Variants in RYR2 observed in about 807,000 individuals in gnomAD.
RYR2 encodes ryanodine receptor 2, also known as cardiac muscle ryanodine receptor-calcium release channel.
RYR2 carries 227 observed loss-of-function variants against 601.1 expected under a neutral mutation model. That is an observed-to-expected ratio of 0.38 (90% CI 0.34 to 0.42). The LOEUF is 0.42. Ranked by LOEUF, RYR2 falls within the 10% of genes least tolerant of loss-of-function variation. RYR2 has a pLI of 1.00. For missense variants in RYR2, 4,646 were observed against 6,156.5 expected (o/e 0.75, Z 8.21); for synonymous variants, 2,223 against 2,175.1 (o/e 1.02, Z -0.61).
At chr1:237,098,021 G>A (rs1667666145) in intron 1 of RYR2, among the ~76,000 whole-genome samples, 1 of 152,146 alleles carries the variant, frequency 6.6e-6, no homozygotes, top group Non-Finnish European at 1.5e-5. Flanking sequence ...CATTAAAATT[G>A]TTATGCATGA....
chr1:237,538,394 CAAAAAAAAAAAA>C (rs10551995), intron 25 of RYR2, among the ~76,000 whole-genome samples: 4 of 32,898 alleles, frequency 1.2e-4, no homozygotes, highest in Non-Finnish European at 1.5e-4. Flanking sequence ...GACTCTGTCT[CAAAAAAAAAAAA>C]AAAAAAAAAA....
chr1:237,187,318 C>G (rs905503335), intron 1 of RYR2, among the ~76,000 whole-genome samples: 3 of 151,300 alleles, frequency 2.0e-5, no homozygotes, highest in African/African-American at 7.3e-5. Context: ...TTACAGGTCT[C>G]TAGTAGAGAT....
intron 1 of RYR2, among the ~76,000 whole-genome samples, chr1:237,074,712 T>C (rs922611329): frequency 2.6e-5 from 4 of 152,208 alleles, no homozygotes; most frequent in Non-Finnish European, 5.9e-5. Context: ...TTAGTCCTTC[T>C]TCGCCCAGTG....
intron 13 of RYR2, among the ~76,000 whole-genome samples, chr1:237,443,791 A>G (rs916751314): frequency 2.6e-5 from 4 of 152,158 alleles, no homozygotes; most frequent in African/African-American, 9.7e-5. Flanking sequence ...CATGGGCTAT[A>G]CGGAAACAGG....
At chr1:237,172,955 G>A (rs1677584145) in intron 1 of RYR2, among the ~76,000 whole-genome samples, 1 of 152,122 alleles carries the variant, frequency 6.6e-6, no homozygotes, top group Non-Finnish European at 1.5e-5. Context: ...GACAGAACTT[G>A]TTTTTAGAGA....
intron 32 of RYR2, 51 bp downstream of exon 32, chr1:237,591,904 T>C: frequency 8.0e-7 from 1 of 1,242,518 alleles, no homozygotes; most frequent in Non-Finnish European, 1.2e-6. Flanking sequence ...CTCATTATGT[T>C]TTACATCTCC....
chr1:237,684,789 A>ATATAT (rs752960205), intron 62 of RYR2, among the ~76,000 whole-genome samples: 1 of 151,736 alleles, frequency 6.6e-6, no homozygotes, highest in African/African-American at 2.4e-5. Flanking sequence ...ATATATATAT[A>ATATAT]ATGCTTGAAG....
chr1:237,193,565 A>C (rs980054719), intron 1 of RYR2, among the ~76,000 whole-genome samples: 1 of 152,214 alleles, frequency 6.6e-6, no homozygotes, highest in African/African-American at 2.4e-5. Flanking sequence ...AGTTCATTGC[A>C]TGTCACAAAT....
intron 1 of RYR2, among the ~76,000 whole-genome samples, chr1:237,266,177 C>T (rs554276018): frequency 4.7e-4 from 71 of 152,244 alleles, no homozygotes; most frequent in African/African-American, 1.3e-3. Context: ...TGCACCTCAG[C>T]GGCTGAATAG....
intron 8 of RYR2, among the ~76,000 whole-genome samples, chr1:237,386,284 CT>C (rs1347929321): frequency 6.6e-6 from 1 of 152,178 alleles, no homozygotes; most frequent in African/African-American, 2.4e-5. Context: ...ACGACCTCTT[CT>C]TGATGGTGAC....
At chr1:237,396,395 A>C (rs2149899683) in intron 10 of RYR2, among the ~76,000 whole-genome samples, 1 of 152,348 alleles carries the variant, frequency 6.6e-6, no homozygotes. Flanking sequence ...TTTAAAACAA[A>C]AGCATTTTTG....
At chr1:237,189,086 A>G (rs908511226) in intron 1 of RYR2, among the ~76,000 whole-genome samples, 8 of 151,778 alleles carry the variant, frequency 5.3e-5, no homozygotes, top group African/African-American at 1.7e-4. Context: ...CCACCTTTCT[A>G]CTTTGTTTCT....
chr1:237,220,326 G>A (rs775215396), intron 1 of RYR2, among the ~76,000 whole-genome samples: 7 of 152,200 alleles, frequency 4.6e-5, no homozygotes, highest in Non-Finnish European at 8.8e-5. Flanking sequence ...ATCCCAGTCC[G>A]GTTTCTTTGG....
At chr1:237,697,625 G>A (rs1244444116) in intron 63 of RYR2, among the ~76,000 whole-genome samples, 7 of 138,542 alleles carry the variant, frequency 5.1e-5, no homozygotes, top group East Asian at 2.1e-4. Context: ...TTACTGATTC[G>A]TTATCTATAT....
At chr1:237,242,830 T>C (rs958605667) in intron 1 of RYR2, among the ~76,000 whole-genome samples, 1 of 152,188 alleles carries the variant, frequency 6.6e-6, no homozygotes, top group Non-Finnish European at 1.5e-5. Flanking sequence ...AGGAGCCTTT[T>C]GGTGTATTGG....
At chr1:237,821,070 C>G (rs997345824) in intron 101 of RYR2, among the ~76,000 whole-genome samples, 2 of 152,084 alleles carry the variant, frequency 1.3e-5, no homozygotes, top group African/African-American at 4.8e-5. Flanking sequence ...GAGAGAGCAC[C>G]TGGGGAAAGG....
intron 1 of RYR2, among the ~76,000 whole-genome samples, chr1:237,224,079 CAA>C (rs1483297878): frequency 6.6e-6 from 1 of 151,986 alleles, no homozygotes; most frequent in Non-Finnish European, 1.5e-5. Context: ...GTATTAATAA[CAA>C]GAGAAATGGT....
chr1:237,723,167 A>G lies in RYR2; in HGVS notation c.10594A>G (p.Lys3532Glu). The G allele has an allele frequency of 6.2e-7, 1 of 1,612,654 alleles. No individual in the cohort carries two copies. Among genetic ancestry groups the G allele is most frequent in the Non-Finnish European group, 8.5e-7 (1 of 1,179,088 alleles). Residue 3532 changes from lysine (K) to glutamate (E), a missense_variant, in exon 74 of 105, where the codon AAA becomes GAA. Physicochemically the swap from Lys to Glu is moderately conservative, Grantham distance 56. This residue lies in a region of RYR2 where 1,497 missense variants were observed against 1,842.6 expected (regional missense o/e 0.81). Transcript: ENST00000366574. ...TATTAGATGGCAAATGGCTCTTTACAAAGACTTACCAAACAGGACTGATGA... is the reference window on the plus strand; with the variant it reads ...TATTAGATGGCAAATGGCTCTTTACGAAGACTTACCAAACAGGACTGATGA... ...PAIRWQMALY[K>E]DLPNRTDDTS... is the part of the protein sequence containing the mutation.
intron 48 of RYR2, among the ~76,000 whole-genome samples, chr1:237,646,504 A>G (rs1195806882): frequency 6.6e-6 from 1 of 152,102 alleles, no homozygotes; most frequent in Non-Finnish European, 1.5e-5. Context: ...TGACAACTCA[A>G]TTGGTCTATA....
Sources: gnomAD v4.1 joint callset for allele counts (sites outside exome capture counted in the v4.1 genomes callset) on GRCh38, gnomAD v4.1.1 for gene constraint, gnomAD v4.1.1 regional missense constraint, MANE v1.5 for transcripts, NCBI Gene and HGNC (gene_info 2026-07-23, HGNC 2026-07-21) for gene names.